Variants in PACRG observed in about 807,000 individuals in gnomAD.
The protein encoded by PACRG is parkin coregulated gene protein.
Under a neutral mutation model 29.7 loss-of-function variants are expected in PACRG, and 29 were observed. The ratio of observed to expected loss-of-function variants is 0.98; its 90% confidence interval spans 0.73 to 1.33. The LOEUF (loss-of-function observed/expected upper bound fraction) is 1.33. Ranked by LOEUF, PACRG falls within the 40% of genes most tolerant of loss-of-function variation. PACRG has a pLI of 0.00. For synonymous variants in PACRG, 116 were observed against 118.7 expected (o/e 0.98, Z 0.15); for missense variants, 279 against 316.2 (o/e 0.88, Z 0.89).
intron 1 of PACRG, among the ~76,000 whole-genome samples, chr6:162,729,573 T>G (rs1224206716): frequency 6.6e-6 from 1 of 152,204 alleles, no homozygotes; most frequent in African/African-American, 2.4e-5. Context: ...TTCTTTTTCA[T>G]GGAATTTCAC....
intron 2 of PACRG, among the ~76,000 whole-genome samples, chr6:163,020,785 T>C (rs984897741): frequency 1.4e-4 from 22 of 152,216 alleles, no homozygotes; most frequent in African/African-American, 4.8e-4. Flanking sequence ...CTTAGTGTTA[T>C]AACTGTTCTA....
intron 2 of PACRG, among the ~76,000 whole-genome samples, chr6:162,900,774 G>T (rs1246795115): frequency 6.6e-6 from 1 of 152,064 alleles, no homozygotes; most frequent in Admixed American, 6.5e-5. Flanking sequence ...CCTTTCCTGT[G>T]GCTGGCTCCT....
At chr6:163,149,447 C>T (rs950166149) in intron 4 of PACRG, among the ~76,000 whole-genome samples, 1 of 152,208 alleles carries the variant, frequency 6.6e-6, no homozygotes, top group Non-Finnish European at 1.5e-5. Context: ...CCTGCGAACC[C>T]TGGAGAACAC....
chr6:163,167,413 A>G (rs1024188246), intron 4 of PACRG, among the ~76,000 whole-genome samples: 1 of 152,184 alleles, frequency 6.6e-6, no homozygotes, highest in Admixed American at 6.5e-5. Flanking sequence ...GATCTATGCT[A>G]TATCCTTCAG....
chr6:162,781,545 G>T (rs1367306267), intron 1 of PACRG, among the ~76,000 whole-genome samples: 1 of 151,448 alleles, frequency 6.6e-6, no homozygotes, highest in Non-Finnish European at 1.5e-5. Context: ...TTAATCTACT[G>T]TTTAGATAAA....
chr6:163,101,175 A>G (rs1424688754), intron 4 of PACRG: 23 of 984,228 alleles, frequency 2.3e-5, no homozygotes, highest in African/African-American at 3.5e-5. Flanking sequence ...AAAAAACCCT[A>G]CATTTCATCT....
intron 4 of PACRG, among the ~76,000 whole-genome samples, chr6:163,285,254 G>A (rs759271302): frequency 5.9e-4 from 90 of 151,888 alleles, no homozygotes; most frequent in Admixed American, 2.6e-3. Flanking sequence ...CTACCGCAGG[G>A]CCTTTGCGCA....
intron 4 of PACRG, among the ~76,000 whole-genome samples, chr6:163,248,128 A>T (rs1309118028): frequency 5.3e-5 from 8 of 152,250 alleles, no homozygotes. Flanking sequence ...CAAAGGGCAA[A>T]TAGAGAATGG....
At chr6:163,061,542 G>A (rs1811096434) in intron 2 of PACRG, among the ~76,000 whole-genome samples, 1 of 152,120 alleles carries the variant, frequency 6.6e-6, no homozygotes, top group Non-Finnish European at 1.5e-5. Context: ...TGACTTTGAG[G>A]TGTCAGTGGT....
intron 3 of PACRG, among the ~76,000 whole-genome samples, chr6:163,064,167 C>A (rs1811336363): frequency 6.6e-6 from 1 of 151,802 alleles, no homozygotes; most frequent in African/African-American, 2.4e-5. Context: ...CTGGAAGACA[C>A]TGATAGGCAG....
intron 2 of PACRG, among the ~76,000 whole-genome samples, chr6:162,964,163 A>G (rs753395582): frequency 2.0e-5 from 3 of 152,220 alleles, no homozygotes; most frequent in Non-Finnish European, 4.4e-5. Flanking sequence ...TCCTGAATGT[A>G]GAGTCAGCCC....
intron 4 of PACRG, among the ~76,000 whole-genome samples, chr6:163,306,965 G>C (rs742329): frequency 0.18 from 26,749 of 152,142 alleles, 2,920 homozygotes; most frequent in African/African-American, 0.31. Flanking sequence ...TAGTTAAATA[G>C]CTAGTGAGTT....
At chr6:162,926,180 C>T (rs1196401905) in intron 2 of PACRG, among the ~76,000 whole-genome samples, 1 of 152,072 alleles carries the variant, frequency 6.6e-6, no homozygotes, top group Non-Finnish European at 1.5e-5. Flanking sequence ...CAAATATATT[C>T]CATCCTCATG....
At chr6:163,094,195 TG>T (rs1245507306) in intron 4 of PACRG, among the ~76,000 whole-genome samples, 1 of 152,246 alleles carries the variant, frequency 6.6e-6, no homozygotes, top group Non-Finnish European at 1.5e-5. Flanking sequence ...CCAAAGTTGA[TG>T]TATGTAAATG....
At chr6:163,101,165 A>C (rs376855410) in intron 4 of PACRG, 16 of 981,880 alleles carry the variant, frequency 1.6e-5, no homozygotes, top group African/African-American at 1.2e-4. Context: ...CCCGCCCCCC[A>C]AAAAACCCTA....
At chr6:162,896,317 T>C (rs1795160463) in intron 2 of PACRG, among the ~76,000 whole-genome samples, 1 of 152,156 alleles carries the variant, frequency 6.6e-6, no homozygotes, top group African/African-American at 2.4e-5. Flanking sequence ...TGGGGGAACA[T>C]TGATTTGGAA....
chr6:163,091,102 G>A (rs1303108197), intron 4 of PACRG, among the ~76,000 whole-genome samples: 1 of 152,082 alleles, frequency 6.6e-6, no homozygotes, highest in Non-Finnish European at 1.5e-5. Flanking sequence ...TGCTTTTGTT[G>A]GTCACACAAT....
At chr6:162,912,182 A>G (rs1796346548) in intron 2 of PACRG, among the ~76,000 whole-genome samples, 1 of 152,238 alleles carries the variant, frequency 6.6e-6, no homozygotes, top group South Asian at 2.1e-4. Flanking sequence ...CCTGCTATAG[A>G]GTAGTACTCC....
At chr6:162,988,972 A>G (rs56936568) in intron 2 of PACRG, among the ~76,000 whole-genome samples, 1 of 152,152 alleles carries the variant, frequency 6.6e-6, no homozygotes, top group Non-Finnish European at 1.5e-5. Context: ...TACAATGTTC[A>G]ATACATTTCT....
Sources: allele counts gnomAD v4.1 joint callset (sites outside exome capture counted in the v4.1 genomes callset), GRCh38; gene constraint gnomAD v4.1.1; transcripts MANE v1.5; gene names NCBI Gene and HGNC (gene_info 2026-07-23, HGNC 2026-07-21).